The following GGH variants were observed in gnomAD, a reference collection of about 807,000 sequenced individuals.
The protein encoded by GGH is gamma-glutamyl hydrolase.
In GGH, 18 loss-of-function variants were observed where a neutral mutation model predicts 39.2. That is an observed-to-expected ratio of 0.46 (90% CI 0.32 to 0.68). The LOEUF is 0.68. GGH is among the 30% of genes least tolerant of loss of function. GGH has a pLI of 0.04. For missense variants in GGH, 367 were observed against 384.1 expected (o/e 0.96, Z 0.37); for synonymous variants, 147 against 138.8 (o/e 1.06, Z -0.42).
intron 7 of GGH, among the ~76,000 whole-genome samples, chr8:63,023,085 G>A (rs149331135): frequency 6.6e-6 from 1 of 152,210 alleles, no homozygotes; most frequent in East Asian, 1.9e-4. Context: ...GAAATTCCTT[G>A]AAGCCTGGGA....
intron 1 of GGH, among the ~76,000 whole-genome samples, chr8:63,036,212 C>A (rs72658384): frequency 5.3e-4 from 80 of 152,296 alleles, no homozygotes; most frequent in Non-Finnish European, 9.4e-4. Context: ...AATATCTACC[C>A]TCTCCCCACC....
intron 8 of GGH, chr8:63,017,246 C>CTGT: frequency 2.5e-6 from 1 of 395,132 alleles, no homozygotes; most frequent in Non-Finnish European, 4.5e-6. Flanking sequence ...ATTCTTCACA[C>CTGT]TGTTGTTCAA....
At chr8:63,036,434 C>T (rs1046900095) in intron 1 of GGH, among the ~76,000 whole-genome samples, 2 of 152,274 alleles carry the variant, frequency 1.3e-5, no homozygotes, top group South Asian at 4.1e-4. Context: ...CAAACAAAAG[C>T]CCCTGCCCTG....
At chr8:63,017,659 C>T (rs1053269873) in intron 7 of GGH, 29 bp from the exon 8 acceptor site, 14 of 1,397,478 alleles carry the variant, frequency 1.0e-5, no homozygotes, top group Admixed American at 2.1e-5. Context: ...TTAGTAAGTA[C>T]TAAGAATGGT....
chr8:63,038,605 CAGCG>C, intron 1 of GGH, 51 bp downstream of exon 1: 3 of 942,056 alleles, frequency 3.2e-6, no homozygotes, highest in Non-Finnish European at 4.4e-6. Flanking sequence ...GGGAGGCGCC[CAGCG>C]CCAACACCCA....
intron 4 of GGH, chr8:63,026,890 G>A: frequency 3.1e-6 from 1 of 322,064 alleles, no homozygotes; most frequent in Non-Finnish European, 5.5e-6. Flanking sequence ...AAAAAAAATA[G>A]GACAGAGAGA....
chr8:63,022,315 T>C (rs1270487686), intron 7 of GGH, among the ~76,000 whole-genome samples: 1 of 152,146 alleles, frequency 6.6e-6, no homozygotes, highest in African/African-American at 2.4e-5. Flanking sequence ...AAAGAGTCTG[T>C]CTCTGTCCTA....
At chr8:63,015,799 C>T (rs1053900052) in intron 8 of GGH, among the ~76,000 whole-genome samples, 2 of 151,488 alleles carry the variant, frequency 1.3e-5, no homozygotes, top group Admixed American at 6.6e-5. Context: ...CCATGCTATG[C>T]TCACTCCGCA....
intron 8 of GGH, among the ~76,000 whole-genome samples, chr8:63,016,971 A>T (rs1316078400): frequency 6.6e-6 from 1 of 152,210 alleles, no homozygotes; most frequent in African/African-American, 2.4e-5. Flanking sequence ...AGACACTGTT[A>T]GAATTAAAGC....
At chr8:63,017,432 G>A in intron 8 of GGH, 61 bp downstream of exon 8, 1 of 1,187,358 alleles carries the variant, frequency 8.4e-7, no homozygotes, top group South Asian at 1.4e-5. Context: ...CAAAAGTTCA[G>A]ATAAGGGCAA....
chr8:63,019,894 A>G (rs192864543), intron 7 of GGH, among the ~76,000 whole-genome samples: 2 of 152,140 alleles, frequency 1.3e-5, no homozygotes, highest in East Asian at 3.9e-4. Context: ...TTTAAAGGGC[A>G]CTCATTTCTG....
intron 8 of GGH, among the ~76,000 whole-genome samples, chr8:63,016,143 C>G (rs1804483788): frequency 6.6e-6 from 1 of 152,118 alleles, no homozygotes; most frequent in South Asian, 2.1e-4. Flanking sequence ...CTCCCAAAGT[C>G]AAAGTAAATA....
chr8:63,033,303 G>C (rs1359739883), intron 2 of GGH, among the ~76,000 whole-genome samples: 1 of 152,142 alleles, frequency 6.6e-6, no homozygotes, highest in African/African-American at 2.4e-5. Context: ...TCAATTTTTT[G>C]GATGAGTTTG....
At position 63,019,159 on chromosome 8, in the gene GGH, T is replaced by C. The variant is rs1464661864; in HGVS notation, c.698-1529A>G. Among the ~76,000 whole-genome samples the C allele has an allele frequency of 3.9e-5, 6 of 152,348 alleles. No individual in the cohort carries two copies. The South Asian group carries it at 1.0e-3, about 26-fold the overall frequency. On this transcript the variant is annotated intron_variant, in intron 7 of 8. Transcript: ENST00000260118. ...AATCAGCAGTTTACAAATGGATAACTTGTTTCAAGAAGGAATGAAACAATG... is the reference window on the plus strand; with the variant it reads ...AATCAGCAGTTTACAAATGGATAACCTGTTTCAAGAAGGAATGAAACAATG...
chr8:63,035,735 T>C lies in GGH; in HGVS notation c.145A>G (p.Lys49Glu). 1 of 1,613,786 alleles carries C rather than the reference T, an allele frequency of 6.2e-7. No individual in the cohort carries two copies. Among genetic ancestry groups the C allele is most frequent in the Non-Finnish European group, 8.5e-7 (1 of 1,179,954 alleles). Residue 49 changes from lysine to glutamate, a missense_variant, in exon 2 of 9, where the codon AAA becomes GAA. Physicochemically the swap from Lys to Glu is moderately conservative, Grantham distance 56. Coordinates refer to ENST00000260118, the MANE Select transcript of GGH (RefSeq NM_003878.3). Reference sequence around the variant, plus strand: ...GCAATATAGTATCTTCCATAGTTTTTCATGACTTTATTACGGCATTTTTGC... The same window carrying C: ...GCAATATAGTATCTTCCATAGTTTTCCATGACTTTATTACGGCATTTTTGC... ...LMQKCRNKVM[K>E]NYGRYYIAAS...
intron 7 of GGH, among the ~76,000 whole-genome samples, chr8:63,018,247 A>C (rs188687199): frequency 1.4e-4 from 21 of 152,154 alleles, no homozygotes; most frequent in South Asian, 2.1e-4. Flanking sequence ...TACTCTCTCT[A>C]TGTTTACATA....
chr8:63,033,061 G>C (rs1804834577), intron 2 of GGH, among the ~76,000 whole-genome samples: 1 of 152,068 alleles, frequency 6.6e-6, no homozygotes. Flanking sequence ...CTGCCTTTAG[G>C]CATTTTGTTT....
chr8:63,034,298 T>G (rs937357264), intron 2 of GGH, among the ~76,000 whole-genome samples: 1 of 151,960 alleles, frequency 6.6e-6, no homozygotes, highest in African/African-American at 2.4e-5. Flanking sequence ...ACAGTTAATT[T>G]AAATGTAAAA....
chr8:63,016,661 C>T (rs141408730), intron 8 of GGH, among the ~76,000 whole-genome samples: 4 of 152,248 alleles, frequency 2.6e-5, no homozygotes, highest in Admixed American at 1.3e-4. Context: ...TATAATGAAA[C>T]GACTTCAAAG....
Sources: gnomAD v4.1 joint callset for allele counts (sites outside exome capture counted in the v4.1 genomes callset) on GRCh38, gnomAD v4.1.1 for gene constraint, MANE v1.5 for transcripts, NCBI Gene and HGNC (gene_info 2026-07-23, HGNC 2026-07-21) for gene names.